The following GJD4 variants were observed in gnomAD, a reference collection of about 807,000 sequenced individuals.
The protein encoded by GJD4 is gap junction protein delta 4, also known as gap junction delta-4 protein.
Under a neutral mutation model 17.9 loss-of-function variants are expected in GJD4, and 18 were observed. That is an observed-to-expected ratio of 1.00 (90% CI 0.69 to 1.49). The LOEUF is 1.49. Ranked by LOEUF, GJD4 falls within the 40% of genes most tolerant of loss-of-function variation. GJD4 has a pLI of 0.00. For synonymous variants in GJD4, 293 were observed against 236.8 expected, an observed-to-expected ratio of 1.24 and a Z score of -2.18; for missense variants, 639 against 506.9, an observed-to-expected ratio of 1.26 and a Z score of -2.50.
Position 35,608,094 on chromosome 10 carries a change from A to G in GJD4, c.581A>G (p.Lys194Arg). ...VDCYVSRPTE[K>R]SLLMLFLWAV... ...TGCTACGTGTCGCGGCCCACAGAGA[A>G]GTCCCTGCTGATGCTGTTCCTCTGG... The change falls in exon 2 of 2, where the codon AAG becomes AGG. Residue 194 changes from lysine (K) to arginine (R), a missense_variant. Coordinates refer to ENST00000321660, the MANE Select transcript of GJD4 (RefSeq NM_153368.3). The G allele has an allele frequency of 6.2e-7, 1 of 1,609,254 alleles. No homozygotes were observed. The highest frequency in any genetic ancestry group is 8.5e-7 in the Non-Finnish European group (1 of 1,177,998).
chr10:35,608,891 T>A lies in GJD4; in HGVS notation c.*265T>A, dbSNP rs543616584. On this transcript the variant is annotated 3_prime_UTR_variant, in exon 2 of 2. Transcript: ENST00000321660. ...AGATCGAGGCTGCAGTGAGCCAAGA[T>A]CACGGCACTGCGCTGCAGCCTGGGC... is the stretch of plus-strand genomic sequence containing the variant. 5.6e-5 allele frequency: 16 copies of A among 287,782 alleles called. No individual in the cohort carries two copies. In the East Asian group the frequency reaches 9.1e-4, roughly 16 times the overall value. 17.8% of individuals were successfully genotyped at this position (287,782 alleles called of 1,614,324 possible).
Position 35,608,526 on chromosome 10 carries a change from T to A in GJD4, c.1013T>A (p.Leu338Gln). 6.4e-7 allele frequency: 1 copy of A among 1,553,412 alleles called. No individual in the cohort carries two copies. Among genetic ancestry groups the A allele is most frequent in the Non-Finnish European group, 8.7e-7 (1 of 1,150,030 alleles). Residue 338 changes from leucine (L) to glutamine (Q), a missense_variant, in exon 2 of 2, where the codon CTG becomes CAG. Transcript: ENST00000321660. ...CAGCCCTCAGCAGCCCCCAGCCGCCTGGCCGCGCCCCCTTCCTGCAGCAGC... is the reference window on the plus strand; with the variant it reads ...CAGCCCTCAGCAGCCCCCAGCCGCCAGGCCGCGCCCCCTTCCTGCAGCAGC... Reference protein sequence around the residue: ...EEQPSAAPSRLAAPPSCSSLQ... With the variant: ...EEQPSAAPSRQAAPPSCSSLQ...
In GJD4 at chr10:35,605,481, T is replaced by C. The variant is rs1376582785; in HGVS notation, c.-87T>C. 4.0e-6 allele frequency: 4 copies of C among 1,010,062 alleles called. No homozygotes were observed. Among genetic ancestry groups the C allele is most frequent in the Middle Eastern group, 2.1e-4 (1 of 4,662 alleles). The allele number at this position is 1,010,062 out of a possible 1,614,324, so 62.6% of individuals were successfully genotyped here. A position where few individuals can be genotyped will look rare whatever the true frequency, so the allele number is the denominator to read the frequency against. On this transcript the variant is annotated 5_prime_UTR_variant, in exon 1 of 2. It removes an upstream start codon present in the reference 5' UTR. Transcript: ENST00000321660. ...CTCCAGCTCACACCTTTAAGTCTTA[T>C]GTAGTTAAAGGACATTTATCCGCCT...
rs768579100 is a variant in GJD4, at chr10:35,608,306, C to A, written c.793C>A (p.Pro265Thr). Residue 265 changes from proline to threonine, a missense_variant, in exon 2 of 2, where the codon CCC becomes ACC. Pro to Thr is a conservative substitution (Grantham distance 38). Transcript: ENST00000321660. The stretch of plus-strand genomic sequence containing the variant: ...GCGGGAGGAAGAGGGGGCACCGGCG[C>A]CCCCGGGTGCACGCGCCGGAGGGGA... ...GGREEEGAPA[P>T]PGARAGGEGA... The A allele has an allele frequency of 6.5e-7, 1 of 1,546,090 alleles. No individual in the cohort carries two copies. The highest frequency in any genetic ancestry group is 1.2e-5 in the South Asian group (1 of 84,010).
In GJD4 at chr10:35,607,988, G is replaced by A. The variant is rs1216101714; in HGVS notation, c.475G>A (p.Ala159Thr). 2.2e-5 allele frequency: 35 copies of A among 1,611,774 alleles called. No individual in the cohort carries two copies. Among genetic ancestry groups the A allele is most frequent in the Non-Finnish European group, 2.8e-5 (33 of 1,179,670 alleles). Residue 159 changes from alanine to threonine, a missense_variant, in exon 2 of 2, where the codon GCC (alanine) becomes ACC (threonine). Transcript: ENST00000321660. ...GACCCTGCTGGAGGCAGCCTTCGGG[G>A]CCTTGCACTACTTTCTCTTTGGATT... ...LRTLLEAAFG[A>T]LHYFLFGFLA...
intron 1 of GJD4, chr10:35,607,172 A>G (rs1402996307): frequency 5.6e-6 from 1 of 178,038 alleles, no homozygotes; most frequent in Non-Finnish European, 1.2e-5. Flanking sequence ...GAATTAGCAG[A>G]CAGATTAAAA....
At chr10:35,607,447 C>G in intron 1 of GJD4, 131 bp from the exon 2 acceptor site, 1 of 681,636 alleles carries the variant, frequency 1.5e-6, no homozygotes, top group Non-Finnish European at 2.5e-6. Flanking sequence ...ACAACACAAA[C>G]AAACAGAAAA....
rs1434897241 is a variant in GJD4 at position 35,608,620 on chromosome 10, G to C, written c.1107G>C (p.Trp369Cys). Residue 369 changes from tryptophan to cysteine, a missense_variant, in exon 2 of 2, where the codon TGG becomes TGC. Trp to Cys is a radical substitution (Grantham distance 215). Coordinates refer to ENST00000321660, the MANE Select transcript of GJD4 (RefSeq NM_153368.3). ...ACCTGAGAGCCAGGAAGTCTGAGTG[G>C]GTGTGAAAAAAACAGCACCTGGCGG... ...APHLRARKSE[W>C]V 1.3e-6 allele frequency: 2 copies of C among 1,489,718 alleles called. No homozygotes were observed. Among genetic ancestry groups the C allele is most frequent in the South Asian group, 1.4e-5 (1 of 73,126 alleles). 92.3% of individuals were successfully genotyped at this position (1,489,718 alleles called of 1,614,324 possible).
In GJD4 at chr10:35,608,003, C is replaced by T. The variant is rs374801107; in HGVS notation, c.490C>T (p.Leu164Phe). The change falls in exon 2 of 2, where the codon CTC becomes TTC. Residue 164 changes from leucine to phenylalanine, a missense_variant. Coordinates refer to ENST00000321660, the MANE Select transcript of GJD4 (RefSeq NM_153368.3). ...EAAFGALHYF[L>F]FGFLAPKKFP... ...AGCCTTCGGGGCCTTGCACTACTTT[C>T]TCTTTGGATTCCTGGCCCCGAAGAA... The T allele has an allele frequency of 9.3e-6, 15 of 1,611,948 alleles. No individual in the cohort carries two copies. The African/African-American group carries it at 1.2e-4, about 13-fold the overall frequency.
chr10:35,607,505 T>C (rs1038999003), intron 1 of GJD4, 73 bp from the exon 2 acceptor site: 6 of 967,134 alleles, frequency 6.2e-6, no homozygotes, highest in South Asian at 3.0e-5. Context: ...TCAGCCCCAA[T>C]AGACACTTTA....
In GJD4 at chr10:35,608,379, A is replaced by G; in HGVS notation, c.866A>G (p.Lys289Arg). 1 of 1,552,072 alleles carries G rather than the reference A, an allele frequency of 6.4e-7. No individual in the cohort carries two copies. Among genetic ancestry groups the G allele is most frequent in the South Asian group, 1.2e-5 (1 of 84,214 alleles). The change falls in exon 2 of 2, where the codon AAG (lysine) becomes AGG (arginine). Residue 289 changes from lysine (K) to arginine (R), a missense_variant. By Grantham distance (26) the Lys-to-Arg change is conservative. Transcript: ENST00000321660. Reference sequence around the variant, plus strand: ...ACATCCAGGGTGTCAGGGCACACGAAGATTCCGGATGAGGATGAGAGTGAG... The same window carrying G: ...ACATCCAGGGTGTCAGGGCACACGAGGATTCCGGATGAGGATGAGAGTGAG... ...RRTSRVSGHTKIPDEDESEVT... is the reference protein window; with the variant it reads ...RRTSRVSGHTRIPDEDESEVT...
chr10:35,605,837 T>G, intron 1 of GJD4: 21 of 572,496 alleles, frequency 3.7e-5, no homozygotes, highest in African/African-American at 9.4e-5. Context: ...GGTTCCGCGG[T>G]TCCTCCGTCA....
chr10:35,608,029 G>GGCCCCGAAGAAA lies in GJD4; in HGVS notation c.516_517insGCCCCGAAGAAA (p.Ala169_Lys172dup). The GGCCCCGAAGAAA allele has an allele frequency of 6.2e-7, 1 of 1,610,724 alleles. No homozygotes were observed. The highest frequency in any genetic ancestry group is 1.1e-5 in the South Asian group (1 of 90,914). ...TCTTTGGATTCCTGGCCCCGAAGAA[G>GGCCCCGAAGAAA]TTCCCTTGCACGCGCCCTCCGTGCA... is the stretch of plus-strand genomic sequence containing the variant. On this transcript the variant is annotated inframe_insertion, in exon 2 of 2. Transcript: ENST00000321660.
intron 1 of GJD4, chr10:35,606,883 A>G (rs1835463531): frequency 1.3e-5 from 2 of 152,226 alleles, no homozygotes; most frequent in Non-Finnish European, 2.9e-5. Flanking sequence ...AATGATTAAA[A>G]AATCTGAAAA....
At chr10:35,606,782 T>C (rs894570620) in intron 1 of GJD4, 10 of 152,248 alleles carry the variant, frequency 6.6e-5, no homozygotes, top group African/African-American at 2.2e-4. Flanking sequence ...TTATTTTGGT[T>C]TTCTAGCTTG....
In GJD4 at chr10:35,608,482, G is replaced by C. The variant is rs1471574933; in HGVS notation, c.969G>C (p.Arg323Ser). 1.8e-5 allele frequency: 28 copies of C among 1,548,714 alleles called. No homozygotes were observed. Among genetic ancestry groups the C allele is most frequent in the Middle Eastern group, 3.8e-4 (2 of 5,206 alleles). Residue 323 changes from arginine to serine, a missense_variant, in exon 2 of 2, where the codon AGG becomes AGC. Coordinates refer to ENST00000321660, the MANE Select transcript of GJD4 (RefSeq NM_153368.3). ...RPHREAAQDP[R>S]GSGSEEQPSA... is the part of the protein sequence containing the mutation. ...ACCGAGAGGCCGCCCAGGACCCCAG[G>C]GGCTCAGGATCCGAGGAGCAGCCCT...
chr10:35,605,455 T>C lies in GJD4; in HGVS notation c.-113T>C. On this transcript the variant is annotated 5_prime_UTR_variant, in exon 1 of 2. Transcript: ENST00000321660. ...CCTGGCTCAGACCTTTGCTTTCTTA[T>C]CTCCAGCTCACACCTTTAAGTCTTA... The C allele has an allele frequency of 1.2e-6, 1 of 855,306 alleles. No homozygotes were observed. Among genetic ancestry groups the C allele is most frequent in the Non-Finnish European group, 2.0e-6 (1 of 508,390 alleles). 53.0% of individuals were successfully genotyped at this position (855,306 alleles called of 1,614,324 possible). A position where few individuals can be genotyped will look rare whatever the true frequency, so the allele number is the denominator to read the frequency against.
In GJD4 at chr10:35,607,988, GC is replaced by G. The variant is rs1681461950; in HGVS notation, c.477del (p.Leu160CysfsTer38). 1.2e-6 allele frequency: 2 copies of G among 1,611,774 alleles called. No homozygotes were observed. Among genetic ancestry groups the G allele is most frequent in the Admixed American group, 1.7e-5 (1 of 59,976 alleles). ...LRTLLEAAFG[A>X]LHYFLFGFLA... ...GACCCTGCTGGAGGCAGCCTTCGGG[GC>G]CTTGCACTACTTTCTCTTTGGATTC... On this transcript the variant is annotated frameshift_variant, in exon 2 of 2. Transcript: ENST00000321660. LOFTEE classifies it high-confidence loss of function.
chr10:35,607,909 C>T lies in GJD4; in HGVS notation c.396C>T (p.Gly132=). 2 of 1,597,310 alleles carry T rather than the reference C, an allele frequency of 1.3e-6. No homozygotes were observed. Among genetic ancestry groups the T allele is most frequent in the Non-Finnish European group, 8.5e-7 (1 of 1,176,240 alleles). ...RRCPRPFGER[G]GLQVPDFSAG... ...GCCCGCGGCCATTCGGGGAGCGCGG[C>T]GGCCTCCAGGTGCCCGACTTTTCGG... The change falls in exon 2 of 2, where the codon GGC becomes GGT. Residue 132 remains glycine, a synonymous_variant. Transcript: ENST00000321660.
Sources: gnomAD v4.1 joint callset for allele counts on GRCh38, gnomAD v4.1.1 for gene constraint, MANE v1.5 for transcripts, NCBI Gene and HGNC (gene_info 2026-07-23, HGNC 2026-07-21) for gene names.